ACAD10: variants seen among roughly 807,000 people sequenced by gnomAD.
The protein encoded by ACAD10 is ACAD-10.
ACAD10 carries 112 observed loss-of-function variants against 116.8 expected under a neutral mutation model. The observed-to-expected ratio is 0.96, with a 90% CI of 0.82 to 1.12. ACAD10 has a LOEUF of 1.12. Among genes scored for constraint, ACAD10 ranks in the 50% most tolerant of loss-of-function variants. The pLI is 0.00. For missense variants in ACAD10, 1,259 were observed against 1,350.2 expected (o/e 0.93, Z 1.06); for synonymous variants, 486 against 510.6 (o/e 0.95, Z 0.65).
At chr12:111,703,655 T>G (rs1422886605) in intron 3 of ACAD10, among the ~76,000 whole-genome samples, 1 of 151,938 alleles carries the variant, frequency 6.6e-6, no homozygotes, top group Non-Finnish European at 1.5e-5. Context: ...CCGGCCAACA[T>G]GGTGAAACCC....
chr12:111,704,681 T>C (rs552050677), intron 3 of ACAD10, among the ~76,000 whole-genome samples: 91 of 137,720 alleles, frequency 6.6e-4, no homozygotes, highest in Non-Finnish European at 1.3e-3. Flanking sequence ...TCTTTCTTTC[T>C]TTCTTTCTTT....
At chr12:111,730,131 T>C (rs760755071) in intron 10 of ACAD10, among the ~76,000 whole-genome samples, 175 bp downstream of exon 10, 1 of 152,204 alleles carries the variant, frequency 6.6e-6, no homozygotes, top group Non-Finnish European at 1.5e-5. Context: ...ACATGTTGAA[T>C]TGGATAAGTT....
At chr12:111,704,086 A>G (rs981379541) in intron 3 of ACAD10, among the ~76,000 whole-genome samples, 11 of 151,890 alleles carry the variant, frequency 7.2e-5, no homozygotes, top group African/African-American at 2.7e-4. Context: ...TTCTAGTACA[A>G]GGAGACTTTG....
At chr12:111,737,964 T>G (rs963005529) in intron 12 of ACAD10, among the ~76,000 whole-genome samples, 2 of 152,018 alleles carry the variant, frequency 1.3e-5, no homozygotes, top group Admixed American at 1.3e-4. Flanking sequence ...GCAATTCTCA[T>G]GCCTCAGCCT....
chr12:111,723,915 C>T (rs1449299112), intron 8 of ACAD10, among the ~76,000 whole-genome samples: 1 of 150,444 alleles, frequency 6.6e-6, no homozygotes, highest in Non-Finnish European at 1.5e-5. Context: ...GACGGGGTCT[C>T]GGCCGGGCAG....
In ACAD10 at chr12:111,755,721, C is replaced by T. The variant is rs754514147; in HGVS notation, c.3015C>T (p.Ser1005=). ...MIKMVAPSMA[S]RVIDRAIQAF... ...AAATGGTCGCCCCGTCCATGGCCTC[C>T]CGAGTGATTGATCGTGCGATTCAGG... The change falls in exon 20 of 21, where the codon TCC becomes TCT. Residue 1005 remains serine, a synonymous_variant. Coordinates refer to ENST00000313698, the MANE Select transcript of ACAD10 (RefSeq NM_025247.6). 23 of 1,613,820 alleles carry T rather than the reference C, an allele frequency of 1.4e-5. No individual in the cohort carries two copies. The highest frequency in any genetic ancestry group is 1.9e-5 in the Non-Finnish European group (23 of 1,179,978).
chr12:111,755,870 A>AT (rs771800256), intron 20 of ACAD10, 125 bp downstream of exon 20: 2 of 986,286 alleles, frequency 2.0e-6, no homozygotes, highest in South Asian at 1.3e-5. Flanking sequence ...CTCACCATGC[A>AT]TGCAACTTTC....
At chr12:111,731,002 G>A (rs1889371547) in intron 10 of ACAD10, among the ~76,000 whole-genome samples, 1 of 152,148 alleles carries the variant, frequency 6.6e-6, no homozygotes, top group African/African-American at 2.4e-5. Context: ...TATTGATCAG[G>A]CTGGTCTCAA....
chr12:111,748,894 T>G, intron 17 of ACAD10: 1 of 1,048,718 alleles, frequency 9.5e-7, no homozygotes, highest in Non-Finnish European at 1.4e-6. Context: ...GATCACTACA[T>G]TGTCACAAAC....
intron 20 of ACAD10, 155 bp downstream of exon 20, chr12:111,755,900 C>T: frequency 2.4e-6 from 2 of 828,084 alleles, no homozygotes; most frequent in African/African-American, 1.7e-5. Context: ...TTCAGAATGA[C>T]CCAGCAAGGT....
intron 18 of ACAD10, among the ~76,000 whole-genome samples, chr12:111,750,844 C>T (rs1890054887): frequency 1.3e-5 from 2 of 152,210 alleles, no homozygotes; most frequent in Admixed American, 6.5e-5. Flanking sequence ...ACCAGTGTCT[C>T]ACAAGAACTG....
At chr12:111,727,421 G>A (rs912932024) in intron 8 of ACAD10, among the ~76,000 whole-genome samples, 2 of 151,776 alleles carry the variant, frequency 1.3e-5, no homozygotes, top group East Asian at 3.9e-4. Context: ...CTACTCAGGA[G>A]GCTGAGGCAG....
intron 12 of ACAD10, among the ~76,000 whole-genome samples, chr12:111,743,681 T>C (rs1323702107): frequency 2.0e-5 from 3 of 151,954 alleles, no homozygotes; most frequent in Non-Finnish European, 4.4e-5. Context: ...CAACTATGGA[T>C]TTGTTAAGAC....
rs754879359 is a variant in ACAD10, at chr12:111,749,193, T to C, written c.2665T>C (p.Phe889Leu). 3.7e-6 allele frequency: 6 copies of C among 1,613,214 alleles called. No individual in the cohort carries two copies. Among genetic ancestry groups the C allele is most frequent in the Non-Finnish European group, 5.1e-6 (6 of 1,179,358 alleles). ...DAPGGHGEVR[F>L]EHVRVPKENM... is the part of the protein sequence containing the mutation. ...TTCAGGTGGCCATGGTGAAGTCCGA[T>C]TTGAGCACGTGCGTGTGCCCAAAGA... Residue 889 changes from phenylalanine to leucine, a missense_variant, in exon 18 of 21, where the codon TTT becomes CTT. Physicochemically the swap from Phe to Leu is conservative, Grantham distance 22. Transcript: ENST00000313698.
intron 8 of ACAD10, among the ~76,000 whole-genome samples, chr12:111,723,371 T>C (rs1373427414): frequency 8.1e-6 from 1 of 123,804 alleles, no homozygotes; most frequent in Non-Finnish European, 1.7e-5. Context: ...GGCGGGGGGC[T>C]GACCCCCCCA....
At chr12:111,734,846 A>G (rs1472237004) in intron 11 of ACAD10, among the ~76,000 whole-genome samples, 1 of 152,216 alleles carries the variant, frequency 6.6e-6, no homozygotes, top group Non-Finnish European at 1.5e-5. Flanking sequence ...ACTTCATTGT[A>G]TACTGTAGAC....
intron 7 of ACAD10, among the ~76,000 whole-genome samples, chr12:111,718,459 T>G (rs1312677253): frequency 6.6e-6 from 1 of 151,924 alleles, no homozygotes; most frequent in East Asian, 1.9e-4. Context: ...GAACCACAGT[T>G]TGGTTTTGTT....
In ACAD10 at chr12:111,753,601, G is replaced by T. The variant is rs537847997; in HGVS notation, c.2818-171G>T. ...GTCAGACCTACTCCCTGGACATGGC[G>T]CATGGCTGCACACAGGCACCTTGGC... On this transcript the variant is annotated intron_variant, in intron 18 of 20. Coordinates refer to ENST00000313698, the MANE Select transcript of ACAD10 (RefSeq NM_025247.6). 1.3e-4 allele frequency: 107 copies of T among 845,702 alleles called. 1 individual carries two copies. The East Asian group carries it at 2.6e-3, about 20-fold the overall frequency. The allele number at this position is 845,702 out of a possible 1,614,324, so 52.4% of individuals were successfully genotyped here. A position where few individuals can be genotyped will look rare whatever the true frequency, so the allele number is the denominator to read the frequency against.
At chr12:111,736,623 T>A (rs1417478657) in intron 11 of ACAD10, among the ~76,000 whole-genome samples, 1 of 152,202 alleles carries the variant, frequency 6.6e-6, no homozygotes, top group Non-Finnish European at 1.5e-5. Context: ...CTGAAACCTG[T>A]AAGAGCCAAT....
Sources: gnomAD v4.1 joint callset for allele counts (sites outside exome capture counted in the v4.1 genomes callset) on GRCh38, gnomAD v4.1.1 for gene constraint, MANE v1.5 for transcripts, NCBI Gene and HGNC (gene_info 2026-07-23, HGNC 2026-07-21) for gene names.